CRISP1: variants seen among roughly 807,000 people sequenced by gnomAD.
The protein encoded by CRISP1 is cysteine-rich secretory protein 1.
Under a neutral mutation model 33.1 loss-of-function variants are expected in CRISP1, and 44 were observed. That is an observed-to-expected ratio of 1.33 (90% CI 1.05 to 1.71). CRISP1 has a LOEUF of 1.71. CRISP1 is among the 40% of genes most tolerant of loss of function. The pLI, the probability that CRISP1 is intolerant of heterozygous loss-of-function variation, is 0.00. For synonymous variants in CRISP1, 103 were observed against 98.7 expected, an observed-to-expected ratio of 1.04 and a Z score of -0.26; for missense variants, 390 against 301.2, an observed-to-expected ratio of 1.29 and a Z score of -2.18.
intron 4 of CRISP1, among the ~76,000 whole-genome samples, chr6:49,847,703 T>A (rs201212673): frequency 6.7e-6 from 1 of 148,922 alleles, no homozygotes; most frequent in Non-Finnish European, 1.5e-5. Flanking sequence ...TGTTTTTTTT[T>A]ATTATTTCCT....
intron 1 of CRISP1, among the ~76,000 whole-genome samples, chr6:49,863,286 C>T (rs1771703769): frequency 6.6e-6 from 1 of 152,062 alleles, no homozygotes; most frequent in Non-Finnish European, 1.5e-5. Flanking sequence ...TTATCTTATC[C>T]CAATGTTCCA....
chr6:49,854,930 G>T, intron 2 of CRISP1, among the ~76,000 whole-genome samples: 1 of 152,072 alleles, frequency 6.6e-6, no homozygotes, highest in East Asian at 1.9e-4. Flanking sequence ...ATACAAAATG[G>T]CAATAAGGTT....
At chr6:49,846,464 T>A in intron 5 of CRISP1, 56 bp downstream of exon 5, 2 of 1,540,632 alleles carry the variant, frequency 1.3e-6, no homozygotes, top group Non-Finnish European at 1.8e-6. Context: ...TAGTTACGTT[T>A]CCACACACAT....
At chr6:49,876,221 G>A (rs929771408) in intron 1 of CRISP1, among the ~76,000 whole-genome samples, 7 of 151,926 alleles carry the variant, frequency 4.6e-5, no homozygotes, top group Admixed American at 3.9e-4. Flanking sequence ...AATAAAGGTG[G>A]GCAAAGAACA....
intron 1 of CRISP1, among the ~76,000 whole-genome samples, chr6:49,862,825 A>G (rs1325499568): frequency 6.6e-6 from 1 of 151,988 alleles, no homozygotes; most frequent in South Asian, 2.1e-4. Context: ...ACAAAAAAAA[A>G]AACAAAACAA....
intron 1 of CRISP1, among the ~76,000 whole-genome samples, chr6:49,874,860 C>T (rs1772002571): frequency 6.6e-6 from 1 of 151,894 alleles, no homozygotes; most frequent in African/African-American, 2.4e-5. Flanking sequence ...AAACCACATC[C>T]CATTCATGTT....
chr6:49,835,014 ATTTTAGCCCAGGTTACTG>A lies in CRISP1; in HGVS notation c.*284_*301del. ...GTGGGAGTTGAACCACATAAGACCT[ATTTTAGCCCAGGTTACTG>A]TTGAGGGACCCAGTTATACCATAAG... On this transcript the variant is annotated 3_prime_UTR_variant, in exon 8 of 8. Coordinates refer to ENST00000335847, the MANE Select transcript of CRISP1 (RefSeq NM_001131.3). 1 of 216,730 alleles carries A rather than the reference ATTTTAGCCCAGGTTACTG, an allele frequency of 4.6e-6. No individual in the cohort carries two copies. The allele number at this position is 216,730 out of a possible 1,614,324, so 13.4% of individuals were successfully genotyped here. A position where few individuals can be genotyped will look rare whatever the true frequency, so the allele number is the denominator to read the frequency against.
intron 1 of CRISP1, among the ~76,000 whole-genome samples, chr6:49,871,585 T>C (rs1219554447): frequency 8.6e-6 from 1 of 115,876 alleles, no homozygotes; most frequent in African/African-American, 3.4e-5. Flanking sequence ...GTGTGTGATG[T>C]TCCCCTTCCT....
intron 4 of CRISP1, 50 bp downstream of exon 4, chr6:49,848,159 T>TA: frequency 1.0e-6 from 1 of 966,142 alleles, no homozygotes; most frequent in Non-Finnish European, 1.6e-6. Flanking sequence ...CCTGTTTTAC[T>TA]ATTTTTTTTT....
upstream of CRISP1, among the ~76,000 whole-genome samples, chr6:49,869,466 G>A (rs140787076): frequency 3.3e-5 from 5 of 152,168 alleles, no homozygotes; most frequent in East Asian, 1.9e-4. Flanking sequence ...GCTCTAATTC[G>A]ATTAACAAGA....
At chr6:49,837,746 A>G (rs575222238) in intron 7 of CRISP1, among the ~76,000 whole-genome samples, 5 of 152,150 alleles carry the variant, frequency 3.3e-5, no homozygotes, top group Non-Finnish European at 7.3e-5. Flanking sequence ...ACTTATTACT[A>G]GTATAATTTA....
At chr6:49,851,439 C>T (rs982689749) in intron 3 of CRISP1, among the ~76,000 whole-genome samples, 1 of 152,086 alleles carries the variant, frequency 6.6e-6, no homozygotes, top group African/African-American at 2.4e-5. Flanking sequence ...ATTTCTCTTC[C>T]TATTTATGGG....
chr6:49,855,883 T>C lies in CRISP1; in HGVS notation c.66+1452A>G, dbSNP rs559869744. 3.9e-5 allele frequency among the ~76,000 whole-genome samples: 6 copies of C among 152,326 alleles called. No individual in the cohort carries two copies. In the South Asian group the frequency reaches 1.2e-3, roughly 32 times the overall value. Reference sequence around the variant, plus strand: ...TGTTGGCAAATTGGAACACATTATTTACTTTAACTCAGACTCATGTTTAAA... The same window carrying C: ...TGTTGGCAAATTGGAACACATTATTCACTTTAACTCAGACTCATGTTTAAA... On this transcript the variant is annotated intron_variant, in intron 2 of 7. Coordinates refer to ENST00000335847, the MANE Select transcript of CRISP1 (RefSeq NM_001131.3).
chr6:49,864,015 A>C (rs957459522), intron 1 of CRISP1, among the ~76,000 whole-genome samples: 31 of 152,190 alleles, frequency 2.0e-4, no homozygotes, highest in African/African-American at 6.8e-4. Flanking sequence ...AGCAATATAT[A>C]GATGATTTCC....
intron 1 of CRISP1, among the ~76,000 whole-genome samples, chr6:49,863,514 A>G (rs948369259): frequency 1.3e-5 from 2 of 152,218 alleles, no homozygotes; most frequent in Non-Finnish European, 2.9e-5. Context: ...TTAAGCCAAT[A>G]CTCTTAAAAT....
intron 6 of CRISP1, among the ~76,000 whole-genome samples, chr6:49,840,346 T>C (rs1371555275): frequency 6.6e-6 from 1 of 152,160 alleles, no homozygotes; most frequent in African/African-American, 2.4e-5. Flanking sequence ...CTAGTATCTG[T>C]GGTAGAATCT....
chr6:49,874,708 C>T (rs1393213670), intron 1 of CRISP1, among the ~76,000 whole-genome samples: 1 of 152,064 alleles, frequency 6.6e-6, no homozygotes, highest in African/African-American at 2.4e-5. Context: ...TTATCCACCA[C>T]GATCAAGCTG....
At chr6:49,853,770 A>G (rs1388365619) in intron 2 of CRISP1, among the ~76,000 whole-genome samples, 1 of 152,068 alleles carries the variant, frequency 6.6e-6, no homozygotes, top group Non-Finnish European at 1.5e-5. Flanking sequence ...CTCCTTTTGC[A>G]ATATTGAATC....
chr6:49,861,633 C>T lies in CRISP1; in HGVS notation c.-2-4231G>A, dbSNP rs141151651. Among the ~76,000 whole-genome samples, 460 of 152,202 alleles carry T rather than the reference C, an allele frequency of 3.0e-3. 2 individuals carry two copies. Among genetic ancestry groups the T allele is most frequent in the African/African-American group, 0.01 (427 of 41,528 alleles). On this transcript the variant is annotated intron_variant, in intron 1 of 7. Coordinates refer to ENST00000335847, the MANE Select transcript of CRISP1 (RefSeq NM_001131.3). ...GCACGGTAACTCACGCCTGTAGTTCCAGCACTTTGGGAGGCCGAGGTGGGC... is the reference window on the plus strand; with the variant it reads ...GCACGGTAACTCACGCCTGTAGTTCTAGCACTTTGGGAGGCCGAGGTGGGC...
Sources: allele counts gnomAD v4.1 joint callset (sites outside exome capture counted in the v4.1 genomes callset), GRCh38; gene constraint gnomAD v4.1.1; transcripts MANE v1.5; gene names NCBI Gene and HGNC (gene_info 2026-07-23, HGNC 2026-07-21).